The following CACNA1E variants were observed in gnomAD, a reference collection of about 807,000 sequenced individuals.
The protein encoded by CACNA1E is voltage-dependent R-type calcium channel subunit alpha-1E.
Under a neutral mutation model 259.2 loss-of-function variants are expected in CACNA1E, and 40 were observed. The ratio of observed to expected loss-of-function variants is 0.15; its 90% CI spans 0.12 to 0.20. The LOEUF (loss-of-function observed/expected upper bound fraction) is 0.20. Among genes scored for constraint, CACNA1E ranks in the 10% least tolerant of loss-of-function variants. The pLI is 1.00. For missense variants in CACNA1E, 1,874 were observed against 3,040.1 expected (o/e 0.62, Z 9.02); for synonymous variants, 1,104 against 1,138.5 (o/e 0.97, Z 0.61).
chr1:181,765,842 A>C (rs1658974288), intron 34 of CACNA1E, among the ~76,000 whole-genome samples: 1 of 152,212 alleles, frequency 6.6e-6, no homozygotes, highest in Non-Finnish European at 1.5e-5. Context: ...TCCCTGCCTC[A>C]TATCTCCTTG....
intron 2 of CACNA1E, among the ~76,000 whole-genome samples, chr1:181,440,329 G>A (rs1221142882): frequency 1.3e-5 from 2 of 152,028 alleles, no homozygotes; most frequent in African/African-American, 4.8e-5. Context: ...ATGCCCCAGG[G>A]GTGTCTTGAA....
At chr1:181,464,698 C>G (rs11579387) in intron 2 of CACNA1E, among the ~76,000 whole-genome samples, 14,175 of 150,730 alleles carry the variant, frequency 0.094, 815 homozygotes, top group South Asian at 0.19. Context: ...AATCCATATG[C>G]CTTTTCTTTC....
chr1:181,428,909 C>T (rs780170178), intron 2 of CACNA1E, among the ~76,000 whole-genome samples: 10 of 152,126 alleles, frequency 6.6e-5, no homozygotes, highest in Non-Finnish European at 1.3e-4. Context: ...AGGCCGGGTG[C>T]GGTGGCTCAT....
At chr1:181,717,623 G>T (rs542692901) in intron 11 of CACNA1E, among the ~76,000 whole-genome samples, 4 of 152,232 alleles carry the variant, frequency 2.6e-5, no homozygotes, top group African/African-American at 9.6e-5. Context: ...TGGGCAGGAA[G>T]TTCTCAGGGC....
intron 6 of CACNA1E, among the ~76,000 whole-genome samples, chr1:181,618,047 A>G (rs186504612): frequency 6.6e-6 from 1 of 152,290 alleles, no homozygotes; most frequent in Admixed American, 6.5e-5. Flanking sequence ...CCAAAGATGT[A>G]GACAATGAGT....
At chr1:181,604,840 G>C (rs555310245) in intron 6 of CACNA1E, among the ~76,000 whole-genome samples, 1 of 152,108 alleles carries the variant, frequency 6.6e-6, no homozygotes, top group African/African-American at 2.4e-5. Flanking sequence ...TTAACCTAGC[G>C]GGGAGTTTCT....
chr1:181,336,719 C>T (rs1447978450), intron 1 of CACNA1E, among the ~76,000 whole-genome samples: 1 of 152,262 alleles, frequency 6.6e-6, no homozygotes, highest in Non-Finnish European at 1.5e-5. Flanking sequence ...CAAAGACTAA[C>T]TTCCCATTCC....
chr1:181,445,257 A>T (rs112618336), intron 2 of CACNA1E, among the ~76,000 whole-genome samples: 6 of 152,304 alleles, frequency 3.9e-5, no homozygotes, highest in African/African-American at 1.2e-4. Flanking sequence ...TTCTTTTGTA[A>T]TTGAAAACAA....
At chr1:181,458,145 T>C (rs1661578374) in intron 2 of CACNA1E, among the ~76,000 whole-genome samples, 1 of 152,354 alleles carries the variant, frequency 6.6e-6, no homozygotes, top group South Asian at 2.1e-4. Context: ...TGTGTCATGA[T>C]TTCTCATGCC....
At chr1:181,740,968 T>C (rs746278777) in intron 25 of CACNA1E, among the ~76,000 whole-genome samples, 22 of 152,208 alleles carry the variant, frequency 1.4e-4, no homozygotes, top group Admixed American at 3.9e-4. Context: ...AGGATTAAAG[T>C]CTGCCTTTGC....
intron 1 of CACNA1E, among the ~76,000 whole-genome samples, chr1:181,497,976 G>A (rs7532402): frequency 5.1e-4 from 78 of 152,068 alleles, no homozygotes; most frequent in African/African-American, 1.8e-3. Context: ...TCTTTCCCCC[G>A]CCAAAACTCC....
At chr1:181,469,661 G>A (rs1217894513) in intron 2 of CACNA1E, among the ~76,000 whole-genome samples, 1 of 152,166 alleles carries the variant, frequency 6.6e-6, no homozygotes. Context: ...TGCATACATA[G>A]TGAAGAAGGC....
chr1:181,555,968 A>C (rs911444024), intron 3 of CACNA1E, among the ~76,000 whole-genome samples: 1 of 152,168 alleles, frequency 6.6e-6, no homozygotes, highest in African/African-American at 2.4e-5. Context: ...AAAGGCATGA[A>C]ATGTTCTGAG....
chr1:181,697,636 TAAAAAG>T (rs1311520103), intron 7 of CACNA1E, among the ~76,000 whole-genome samples: 2 of 152,220 alleles, frequency 1.3e-5, no homozygotes, highest in Non-Finnish European at 2.9e-5. Flanking sequence ...CATTTGTTTA[TAAAAAG>T]AATTACCTGA....
chr1:181,653,700 T>G (rs1263607745), intron 7 of CACNA1E, among the ~76,000 whole-genome samples: 1 of 152,254 alleles, frequency 6.6e-6, no homozygotes, highest in East Asian at 1.9e-4. Context: ...TCAATGTCTG[T>G]GCAGTTTTAT....
chr1:181,507,547 G>C (rs1665812382), intron 1 of CACNA1E, among the ~76,000 whole-genome samples: 1 of 152,150 alleles, frequency 6.6e-6, no homozygotes, highest in Admixed American at 6.5e-5. Context: ...TGAGTGGAGA[G>C]TCAGGGGCAG....
At chr1:181,708,198 T>C (rs1172187239) in intron 7 of CACNA1E, among the ~76,000 whole-genome samples, 1 of 152,112 alleles carries the variant, frequency 6.6e-6, no homozygotes, top group Admixed American at 6.5e-5. Context: ...AGATAAGGCT[T>C]GAAGAGAAAG....
chr1:181,798,336 C>T lies in CACNA1E; in HGVS notation c.6444C>T (p.Asp2148=), dbSNP rs746496060. ...AGAGCTCCATCCCCTCTGTCTCTGA[C>T]ACCAGCACCCCAAGAAGAAGTCGTC... ...LSESSIPSVS[D]TSTPRRSRRQ... The change falls in exon 48 of 48, where the codon GAC becomes GAT. Residue 2148 remains aspartate (D), a synonymous_variant. Coordinates refer to ENST00000367573, the MANE Select transcript of CACNA1E (RefSeq NM_001205293.3). This position sits in a 1 kb window ranked among gnomAD's most constrained non-coding sequence, Gnocchi z 4.2. The T allele has an allele frequency of 6.2e-7, 1 of 1,608,370 alleles. No homozygotes were observed. The highest frequency in any genetic ancestry group is 1.1e-5 in the South Asian group (1 of 91,040).
At position 181,496,485 on chromosome 1, in the gene CACNA1E, C is replaced by G. The variant is rs529644474; in HGVS notation, c.266+12475C>G. ...AGCCTCCTGGCTAACTACTTCCTATCTGCTTAGGCTTCTTGGGTATTTAGG... is the reference window on the plus strand; with the variant it reads ...AGCCTCCTGGCTAACTACTTCCTATGTGCTTAGGCTTCTTGGGTATTTAGG... On this transcript the variant is annotated intron_variant, in intron 1 of 47. Coordinates refer to ENST00000367573, the MANE Select transcript of CACNA1E (RefSeq NM_001205293.3). Among the ~76,000 whole-genome samples, 78 of 152,292 alleles carry G rather than the reference C, an allele frequency of 5.1e-4. 1 individual carries two copies. Among genetic ancestry groups the G allele is most frequent in the African/African-American group, 1.7e-3 (72 of 41,556 alleles).
Sources: allele counts gnomAD v4.1 joint callset (sites outside exome capture counted in the v4.1 genomes callset), GRCh38; gene constraint gnomAD v4.1.1; non-coding constraint Gnocchi (gnomAD v3.1); transcripts MANE v1.5; gene names NCBI Gene and HGNC (gene_info 2026-07-23, HGNC 2026-07-21).